Variants in CEP152 observed in about 807,000 individuals in gnomAD.
The protein encoded by CEP152 is centrosomal protein 152.
CEP152 carries 132 observed loss-of-function variants against 188.9 expected under a neutral mutation model. That is an observed-to-expected ratio of 0.70 (90% CI 0.61 to 0.81). The LOEUF is 0.81. CEP152 is among the 30% of genes least tolerant of loss of function. CEP152 has a pLI of 0.00. For synonymous variants in CEP152, 649 were observed against 666.6 expected (o/e 0.97, Z 0.41); for missense variants, 1,914 against 1,969.8 (o/e 0.97, Z 0.54).
In CEP152 at chr15:48,796,037, G is replaced by T; in HGVS notation, c.664C>A (p.Gln222Lys). The T allele has an allele frequency of 1.7e-5, 28 of 1,613,800 alleles. No individual in the cohort carries two copies. Among genetic ancestry groups the T allele is most frequent in the Non-Finnish European group, 2.4e-5 (28 of 1,179,830 alleles). ...TCATTAGCTCCTAAAAATTGTTGTT[G>T]CAGGCCTTCGAATGTGTCACTTCCT... ...ITGSDTFEGLQQQFLGANENS... is the reference protein window; with the variant it reads ...ITGSDTFEGLKQQFLGANENS... Residue 222 changes from glutamine (Q) to lysine (K), a missense_variant, in exon 6 of 27, where the codon CAA becomes AAA. Transcript: ENST00000380950.
In CEP152 at chr15:48,744,302, C is replaced by T; in HGVS notation, c.3773G>A (p.Cys1258Tyr). 1 of 1,614,058 alleles carries T rather than the reference C, an allele frequency of 6.2e-7. No homozygotes were observed. The stretch of plus-strand genomic sequence containing the variant: ...AAGTTCTTCCAAGGCTCCCCCACTG[C>T]ATGGCAGGCAAGCATTTTCAATGGC... ...AGAIENACLP[C>Y]SGGALEELRG... Residue 1258 changes from cysteine to tyrosine, a missense_variant, in exon 24 of 27, where the codon TGC becomes TAC. Coordinates refer to ENST00000380950, the MANE Select transcript of CEP152 (RefSeq NM_001194998.2).
At chr15:48,791,532 TAAAG>T (rs943224112) in intron 7 of CEP152, among the ~76,000 whole-genome samples, 156 bp from the exon 8 acceptor site, 14 of 152,208 alleles carry the variant, frequency 9.2e-5, no homozygotes, top group African/African-American at 3.4e-4. Context: ...GAAAACTAAA[TAAAG>T]AATTTACTTA....
rs748494501 is a variant in CEP152 at position 48,797,425 on chromosome 15, T to C, written c.416A>G (p.Glu139Gly). Residue 139 changes from glutamate (E) to glycine (G), a missense_variant, in exon 5 of 27, where the codon GAA becomes GGA. Physicochemically the swap from Glu to Gly is moderately conservative, Grantham distance 98. Coordinates refer to ENST00000380950, the MANE Select transcript of CEP152 (RefSeq NM_001194998.2). ...AGGAAGGTGATATAAATCAGTCTGTTCACATTTACTTGGAGGACTATAACC... is the reference window on the plus strand; with the variant it reads ...AGGAAGGTGATATAAATCAGTCTGTCCACATTTACTTGGAGGACTATAACC... ...GSGYSPPSKCEQTDLYHLPEN... is the reference protein window; with the variant it reads ...GSGYSPPSKCGQTDLYHLPEN... 6.2e-7 allele frequency: 1 copy of C among 1,614,192 alleles called. No homozygotes were observed. Among genetic ancestry groups the C allele is most frequent in the South Asian group, 1.1e-5 (1 of 91,084 alleles).
intron 24 of CEP152, 32 bp from the exon 25 acceptor site, chr15:48,742,132 GTA>G: frequency 6.2e-7 from 1 of 1,606,204 alleles, no homozygotes. Flanking sequence ...CCCACAGAAT[GTA>G]TGTTTATTAG....
rs778390919 is a variant in CEP152, at chr15:48,739,033, C to CAACT, written c.4345_4348dup (p.Cys1450Ter). On this transcript the variant is annotated stop_gained and frameshift_variant, in exon 27 of 27. Coordinates refer to ENST00000380950, the MANE Select transcript of CEP152 (RefSeq NM_001194998.2). LOFTEE classifies it low-confidence loss of function (END_TRUNC). The stretch of plus-strand genomic sequence containing the variant: ...CCTTGGCAAACTGTTTAGGTGCTTG[C>CAACT]AACTACCATCCCCAAACTGGAATTC... 1 of 1,614,158 alleles carries CAACT rather than the reference C, an allele frequency of 6.2e-7. No homozygotes were observed. Among genetic ancestry groups the CAACT allele is most frequent in the Non-Finnish European group, 8.5e-7 (1 of 1,180,006 alleles).
At chr15:48,770,675 G>A (rs1350900993) in intron 13 of CEP152, among the ~76,000 whole-genome samples, 2 of 152,126 alleles carry the variant, frequency 1.3e-5, no homozygotes, top group African/African-American at 4.8e-5. Flanking sequence ...TCCTTTTAAA[G>A]AAATGTAGGG....
chr15:48,789,659 T>C (rs4775773), intron 8 of CEP152, among the ~76,000 whole-genome samples: 62,240 of 152,050 alleles, frequency 0.41, 13,217 homozygotes, highest in Middle Eastern at 0.47. Context: ...ACAGGGTCCA[T>C]AAATGAGAAA....
At chr15:48,734,693 G>T (rs1306203021), downstream of CEP152, among the ~76,000 whole-genome samples, 1 of 151,956 alleles carries the variant, frequency 6.6e-6, no homozygotes, top group African/African-American at 2.4e-5. Flanking sequence ...GACATGCCAT[G>T]CAAACAGTAA....
intron 1 of CEP152, among the ~76,000 whole-genome samples, chr15:48,807,999 A>G (rs1898095506): frequency 6.6e-6 from 1 of 152,116 alleles, no homozygotes; most frequent in Admixed American, 6.5e-5. Flanking sequence ...ACCTGAAAAG[A>G]CCAAAATCTC....
chr15:48,730,862 A>G (rs1307528972), intron 2 of CEP152, among the ~76,000 whole-genome samples: 1 of 152,226 alleles, frequency 6.6e-6, no homozygotes, highest in Non-Finnish European at 1.5e-5. Context: ...TAAACCAGCA[A>G]TAACAACCCC....
At chr15:48,797,610 C>A (rs377636130) in intron 4 of CEP152, 31 bp from the exon 5 acceptor site, 1 of 1,613,852 alleles carries the variant, frequency 6.2e-7, no homozygotes, top group African/African-American at 1.3e-5. Flanking sequence ...AACAAAAGCA[C>A]GAAGATCCAG....
At position 48,771,933 on chromosome 15, in the gene CEP152, C is replaced by T. The variant is rs140915944; in HGVS notation, c.1782+554G>A. 6.7e-4 allele frequency among the ~76,000 whole-genome samples: 102 copies of T among 152,274 alleles called. 2 individuals carry two copies. In the East Asian group the frequency reaches 0.014, roughly 21 times the overall value. On this transcript the variant is annotated intron_variant, in intron 13 of 26. Coordinates refer to ENST00000380950, the MANE Select transcript of CEP152 (RefSeq NM_001194998.2). Reference sequence around the variant, plus strand: ...AAAAAACAGAACTGTTTTACAGGTACTTGAAATATGGTTTCTACTGAATGC... The same window carrying T: ...AAAAAACAGAACTGTTTTACAGGTATTTGAAATATGGTTTCTACTGAATGC...
chr15:48,755,322 A>AT (rs1364530840), intron 20 of CEP152, among the ~76,000 whole-genome samples: 1 of 152,004 alleles, frequency 6.6e-6, no homozygotes, highest in South Asian at 2.1e-4. Context: ...CTTGGTTGGC[A>AT]TTTTTTTGCC....
chr15:48,751,721 G>C (rs540542346), intron 21 of CEP152, among the ~76,000 whole-genome samples: 1 of 152,242 alleles, frequency 6.6e-6, no homozygotes, highest in South Asian at 2.1e-4. Flanking sequence ...AGCTAATAAA[G>C]GATTTGCAAA....
chr15:48,752,364 T>C lies in CEP152; in HGVS notation c.3451A>G (p.Thr1151Ala). Residue 1151 changes from threonine (T) to alanine (A), a missense_variant, in exon 21 of 27, where the codon ACA becomes GCA. By Grantham distance (58) the Thr-to-Ala change is moderately conservative. Coordinates refer to ENST00000380950, the MANE Select transcript of CEP152 (RefSeq NM_001194998.2). ...ATCCAATTACCAGCTTCTGCTTCTG[T>C]TGCTTGTAAGGCCAAGGGCTGAGCA... The part of the protein sequence containing the change: ...HHAQPLALQA[T>A]EAEADKKKVL... The C allele has an allele frequency of 6.2e-7, 1 of 1,614,098 alleles. No individual in the cohort carries two copies.
At chr15:48,748,155 A>C (rs1386157857) in intron 22 of CEP152, among the ~76,000 whole-genome samples, 1 of 152,154 alleles carries the variant, frequency 6.6e-6, no homozygotes, top group Non-Finnish European at 1.5e-5. Flanking sequence ...TGTATGATTT[A>C]TTCACTGCTG....
At chr15:48,801,619 C>A (rs1208593822) in intron 2 of CEP152, among the ~76,000 whole-genome samples, 6 of 152,146 alleles carry the variant, frequency 3.9e-5, no homozygotes, top group African/African-American at 1.4e-4. Flanking sequence ...AATATATACA[C>A]ACATAAATAG....
Position 48,783,996 on chromosome 15 carries a change from T to C in CEP152, c.1298A>G (p.Gln433Arg). 24 of 1,613,810 alleles carry C rather than the reference T, an allele frequency of 1.5e-5. No homozygotes were observed. The highest frequency in any genetic ancestry group is 2.0e-5 in the Non-Finnish European group (24 of 1,179,862). The change falls in exon 10 of 27, where the codon CAG (glutamine) becomes CGG (arginine). Residue 433 changes from glutamine to arginine, a missense_variant. Physicochemically the swap from Gln to Arg is conservative, Grantham distance 43. Coordinates refer to ENST00000380950, the MANE Select transcript of CEP152 (RefSeq NM_001194998.2). ...LTRSLEESQK[Q>R]CAHLLQSGSV... ...ACCGGACTGCAACAAGTGGGCACAC[T>C]GCTTTTGACTCTCCTCTAGACTTCT...
At chr15:48,794,105 G>A (rs970091151) in intron 6 of CEP152, among the ~76,000 whole-genome samples, 2 of 152,010 alleles carry the variant, frequency 1.3e-5, no homozygotes, top group Non-Finnish European at 2.9e-5. Flanking sequence ...TTCACTATTT[G>A]GGTGATGGGT....
Sources: gnomAD v4.1 joint callset for allele counts (sites outside exome capture counted in the v4.1 genomes callset) on GRCh38, gnomAD v4.1.1 for gene constraint, MANE v1.5 for transcripts, NCBI Gene and HGNC (gene_info 2026-07-23, HGNC 2026-07-21) for gene names.